The following HSD11B1 variants were observed in gnomAD, a reference collection of about 807,000 sequenced individuals.
HSD11B1 encodes the protein 11-beta-hydroxysteroid dehydrogenase 1.
A neutral mutation model predicts 22.1 loss-of-function variants in HSD11B1; 15 were observed. That is an observed-to-expected ratio of 0.68 (90% CI 0.45 to 1.04). The LOEUF (loss-of-function observed/expected upper bound fraction) is 1.04. HSD11B1 is among the 50% of genes least tolerant of loss of function. The pLI, the probability that HSD11B1 is intolerant of heterozygous loss-of-function variation, is 0.00. For synonymous variants in HSD11B1, 122 were observed against 125.2 expected (o/e 0.97, Z 0.17); for missense variants, 281 against 357.6 (o/e 0.79, Z 1.73).
chr1:209,693,850 C>G (rs2076775350), intron 1 of HSD11B1, among the ~76,000 whole-genome samples: 1 of 152,186 alleles, frequency 6.6e-6, no homozygotes, highest in Admixed American at 6.5e-5. Flanking sequence ...CTCTTCAACT[C>G]ACAGCATTTC....
intron 4 of HSD11B1, among the ~76,000 whole-genome samples, chr1:209,708,491 C>T (rs1475706392): frequency 1.3e-5 from 2 of 152,106 alleles, no homozygotes; most frequent in African/African-American, 4.8e-5. Context: ...CCCGGTGCTT[C>T]CCAGACAACA....
At chr1:209,715,466 T>C (rs2076924398) in intron 4 of HSD11B1, among the ~76,000 whole-genome samples, 1 of 151,582 alleles carries the variant, frequency 6.6e-6, no homozygotes, top group Non-Finnish European at 1.5e-5. Flanking sequence ...AAATGACTGA[T>C]TCCAGGGCAG....
intron 4 of HSD11B1, among the ~76,000 whole-genome samples, chr1:209,707,936 A>C (rs1420831715): frequency 6.6e-6 from 1 of 152,228 alleles, no homozygotes; most frequent in Non-Finnish European, 1.5e-5. Context: ...GAAAAAAAAA[A>C]AAGATGAACA....
rs894035182 is a variant in HSD11B1, at chr1:209,706,834, T to A, written c.331+14T>A. The stretch of plus-strand genomic sequence containing the variant: ...GAAAGCTCATGGGTGAGGCTGTTTC[T>A]CTTACCTCCTCCTCTGAACTTTGCC... On this transcript the variant is annotated intron_variant, in intron 3 of 5. Transcript: ENST00000367027. The surrounding 1 kb of genome is among the most constrained non-coding windows in gnomAD (Gnocchi z 4.0). The A allele has an allele frequency of 6.2e-7, 1 of 1,611,062 alleles. No individual in the cohort carries two copies. Among genetic ancestry groups the A allele is most frequent in the Non-Finnish European group, 8.5e-7 (1 of 1,177,442 alleles).
chr1:209,724,786 A>G (rs1196618790), intron 4 of HSD11B1, among the ~76,000 whole-genome samples: 1 of 152,238 alleles, frequency 6.6e-6, no homozygotes, highest in Admixed American at 6.5e-5. Context: ...ACACTTGTGA[A>G]TAGAAATAGG....
chr1:209,727,773 A>G (rs998847762), intron 4 of HSD11B1, among the ~76,000 whole-genome samples: 1 of 152,214 alleles, frequency 6.6e-6, no homozygotes, highest in Non-Finnish European at 1.5e-5. Flanking sequence ...ATTTAGCTCA[A>G]TTTCAGAGGT....
Position 209,734,565 on chromosome 1 carries a change from T to G in HSD11B1, c.*44T>G, listed in dbSNP as rs1418148677. 19 of 1,384,396 alleles carry G rather than the reference T, an allele frequency of 1.4e-5. No individual in the cohort carries two copies. Among genetic ancestry groups the G allele is most frequent in the African/African-American group, 2.8e-5 (2 of 70,492 alleles). The allele number at this position is 1,384,396 out of a possible 1,614,324, so 85.8% of individuals were successfully genotyped here. The stretch of plus-strand genomic sequence containing the variant: ...GCATGCTGAGGGATTTTGGGACTGT[T>G]CTGTCTCATGTTTATCTGAGCTCTT... On this transcript the variant is annotated 3_prime_UTR_variant, in exon 6 of 6. Transcript: ENST00000367027.
In HSD11B1 at chr1:209,709,892, A is replaced by T. The variant is rs145279574; in HGVS notation, c.517+2764A>T. Among the ~76,000 whole-genome samples, 933 of 152,150 alleles carry T rather than the reference A, an allele frequency of 6.1e-3. 7 individuals carry two copies. The highest frequency in any genetic ancestry group is 0.021 in the African/African-American group (864 of 41,468). On this transcript the variant is annotated intron_variant, in intron 4 of 5. Transcript: ENST00000367027. ...CCACATCACCCATGCTAAAAAACAC[A>T]TAAGACTAGAAAAAAGTATACCCTC...
chr1:209,697,153 T>A (rs757039846), intron 1 of HSD11B1, among the ~76,000 whole-genome samples: 2 of 152,226 alleles, frequency 1.3e-5, no homozygotes. Flanking sequence ...GGCTTCTTAC[T>A]GTGTAACCCC....
chr1:209,731,903 C>T (rs969723012), intron 4 of HSD11B1, among the ~76,000 whole-genome samples: 2 of 152,132 alleles, frequency 1.3e-5, no homozygotes, highest in African/African-American at 2.4e-5. Context: ...GATGGGGTTT[C>T]ATCATGTTAG....
intron 4 of HSD11B1, among the ~76,000 whole-genome samples, chr1:209,728,887 G>C (rs1259148090): frequency 6.6e-6 from 1 of 152,184 alleles, no homozygotes; most frequent in African/African-American, 2.4e-5. Context: ...GGCCATTCCT[G>C]TATCAATCAT....
chr1:209,718,863 T>A (rs2076946555), intron 4 of HSD11B1, among the ~76,000 whole-genome samples: 1 of 150,838 alleles, frequency 6.6e-6, no homozygotes. Flanking sequence ...CTACTAAAAA[T>A]ACAAAAATTA....
intron 1 of HSD11B1, among the ~76,000 whole-genome samples, chr1:209,697,209 T>C (rs1033563440): frequency 6.6e-6 from 1 of 152,158 alleles, no homozygotes; most frequent in African/African-American, 2.4e-5. Flanking sequence ...TGTTCATAGT[T>C]TCCCAAACAT....
At chr1:209,732,121 T>C (rs2077039463) in intron 4 of HSD11B1, among the ~76,000 whole-genome samples, 1 of 152,146 alleles carries the variant, frequency 6.6e-6, no homozygotes. Context: ...CCCCAGCACT[T>C]GGTTCAGAGA....
upstream of HSD11B1, among the ~76,000 whole-genome samples, chr1:209,704,318 A>G (rs1363975405): frequency 1.3e-5 from 2 of 152,084 alleles, no homozygotes; most frequent in Admixed American, 6.5e-5. Context: ...ATGTTGTAAT[A>G]CTTTTTCATT....
In HSD11B1 at chr1:209,717,116, A is replaced by C. The variant is rs1446037162; in HGVS notation, c.517+9988A>C. Among the ~76,000 whole-genome samples, 8 of 152,282 alleles carry C rather than the reference A, an allele frequency of 5.3e-5. No individual in the cohort carries two copies. In the East Asian group the frequency reaches 1.3e-3, roughly 26 times the overall value. ...AAACAATCAACAGAGTGAAAAGACCACCTGTTTAACGGGAGAAAATATTTG... is the reference window on the plus strand; with the variant it reads ...AAACAATCAACAGAGTGAAAAGACCCCCTGTTTAACGGGAGAAAATATTTG... On this transcript the variant is annotated intron_variant, in intron 4 of 5. Transcript: ENST00000367027.
chr1:209,687,863 T>A (rs1238032591), intron 1 of HSD11B1, among the ~76,000 whole-genome samples: 1 of 152,236 alleles, frequency 6.6e-6, no homozygotes, highest in African/African-American at 2.4e-5. Context: ...GTTTTATAAC[T>A]GTTAGGAGAC....
chr1:209,719,673 T>C (rs1212791858), intron 4 of HSD11B1, among the ~76,000 whole-genome samples: 1 of 152,216 alleles, frequency 6.6e-6, no homozygotes, highest in Non-Finnish European at 1.5e-5. Context: ...GTCCTTGTGA[T>C]GGTTTGCTGA....
At chr1:209,702,184 G>T (rs1351603012), upstream of HSD11B1, among the ~76,000 whole-genome samples, 1 of 152,194 alleles carries the variant, frequency 6.6e-6, no homozygotes, top group East Asian at 1.9e-4. Context: ...TTAAAACTTT[G>T]TTGACAACCC....
Sources: gnomAD v4.1 joint callset for allele counts (sites outside exome capture counted in the v4.1 genomes callset) on GRCh38, gnomAD v4.1.1 for gene constraint, Gnocchi (gnomAD v3.1) non-coding constraint, MANE v1.5 for transcripts, NCBI Gene and HGNC (gene_info 2026-07-23, HGNC 2026-07-21) for gene names.